The following CNTNAP2 variants were observed in gnomAD, a reference collection of about 807,000 sequenced individuals.
CNTNAP2 encodes the protein contactin-associated protein-like 2.
Under a neutral mutation model 155.2 loss-of-function variants are expected in CNTNAP2, and 98 were observed. The observed-to-expected ratio is 0.63, with a 90% CI of 0.54 to 0.75. The LOEUF (loss-of-function observed/expected upper bound fraction) is 0.75, where lower values mean the gene tolerates loss of function less well. Among genes scored for constraint, CNTNAP2 ranks in the 30% least tolerant of loss-of-function variants. The probability of loss-of-function intolerance (pLI) is 0.00; values close to 1 mark genes in which losing one functional copy is unlikely to be tolerated. For missense variants in CNTNAP2, 1,727 were observed against 1,688.1 expected (o/e 1.02, Z -0.40); for synonymous variants, 651 against 631.2 (o/e 1.03, Z -0.47).
intron 12 of CNTNAP2, among the ~76,000 whole-genome samples, chr7:147,625,359 T>G (rs2116899674): frequency 6.6e-6 from 1 of 152,296 alleles, no homozygotes; most frequent in African/African-American, 2.4e-5. Flanking sequence ...AAGTATCTCA[T>G]GTACCCCATA....
At chr7:146,250,376 T>G (rs188499591) in intron 1 of CNTNAP2, among the ~76,000 whole-genome samples, 1 of 152,324 alleles carries the variant, frequency 6.6e-6, no homozygotes, top group Admixed American at 6.5e-5. Context: ...AGTTTCCCAT[T>G]CACCACTGCA....
At position 146,843,449 on chromosome 7, in the gene CNTNAP2, A is replaced by G. The variant is rs563021952; in HGVS notation, c.402+3545A>G. Among the ~76,000 whole-genome samples, 31 of 152,278 alleles carry G rather than the reference A, an allele frequency of 2.0e-4. 1 individual carries two copies. The highest frequency in any genetic ancestry group is 3.8e-4 in the Non-Finnish European group (26 of 68,014). On this transcript the variant is annotated intron_variant, in intron 3 of 23. Transcript: ENST00000361727. Reference sequence around the variant, plus strand: ...CCAACACTGGGGATTACAATTTGACATGAGATTTTGGTGGGGACACAGACC... The same window carrying G: ...CCAACACTGGGGATTACAATTTGACGTGAGATTTTGGTGGGGACACAGACC...
intron 11 of CNTNAP2, among the ~76,000 whole-genome samples, chr7:147,555,149 G>A (rs1442629503): frequency 2.6e-5 from 4 of 152,100 alleles, no homozygotes; most frequent in African/African-American, 7.2e-5. Context: ...GGTTTCTAAT[G>A]AGAATTACCT....
At position 148,100,812 on chromosome 7, in the gene CNTNAP2, T is replaced by C. The variant is rs28657546; in HGVS notation, c.2384-17306T>C. On this transcript the variant is annotated intron_variant, in intron 15 of 23. Coordinates refer to ENST00000361727, the MANE Select transcript of CNTNAP2 (RefSeq NM_014141.6). ...CCCAAAGGATTATAAATCATGCTGCTATAAAGACACATGCACACGTATGTT... is the reference window on the plus strand; with the variant it reads ...CCCAAAGGATTATAAATCATGCTGCCATAAAGACACATGCACACGTATGTT... Among the ~76,000 whole-genome samples, 1,210 of 152,266 alleles carry C rather than the reference T, an allele frequency of 7.9e-3. 14 individuals carry two copies. Among genetic ancestry groups the C allele is most frequent in the African/African-American group, 0.027 (1,141 of 41,562 alleles).
chr7:146,288,600 A>G (rs978334780), intron 1 of CNTNAP2, among the ~76,000 whole-genome samples: 1 of 151,874 alleles, frequency 6.6e-6, no homozygotes, highest in African/African-American at 2.4e-5. Context: ...GACTTACTCT[A>G]TTTGAAAAAT....
intron 1 of CNTNAP2, among the ~76,000 whole-genome samples, chr7:146,665,696 G>A (rs546887435): frequency 1.5e-4 from 22 of 150,014 alleles, no homozygotes; most frequent in South Asian, 2.1e-4. Flanking sequence ...CAGGAGAATC[G>A]CTTAAACCCA....
At chr7:147,308,050 G>A (rs1310543485) in intron 9 of CNTNAP2, among the ~76,000 whole-genome samples, 1 of 152,168 alleles carries the variant, frequency 6.6e-6, no homozygotes. Context: ...CTTGGGAGGG[G>A]ATTGAGGATT....
intron 1 of CNTNAP2, among the ~76,000 whole-genome samples, chr7:146,657,228 C>T (rs1456444177): frequency 6.6e-6 from 1 of 152,174 alleles, no homozygotes; most frequent in East Asian, 1.9e-4. Context: ...GCATATTCTT[C>T]TCCTGAGCTT....
intron 3 of CNTNAP2, among the ~76,000 whole-genome samples, chr7:146,939,867 T>G (rs1232391697): frequency 6.6e-6 from 1 of 150,950 alleles, no homozygotes; most frequent in Non-Finnish European, 1.5e-5. Context: ...TTGTATTTCT[T>G]TCTTAACTTG....
At chr7:146,393,676 T>G (rs1316880881) in intron 1 of CNTNAP2, among the ~76,000 whole-genome samples, 2 of 152,178 alleles carry the variant, frequency 1.3e-5, no homozygotes, top group Non-Finnish European at 2.9e-5. Flanking sequence ...GTTTGTTATC[T>G]CTCGATACTT....
intron 2 of CNTNAP2, among the ~76,000 whole-genome samples, chr7:146,786,295 G>A (rs1427950016): frequency 6.6e-6 from 1 of 151,962 alleles, no homozygotes; most frequent in Non-Finnish European, 1.5e-5. Flanking sequence ...AGACAATTGG[G>A]AGGACTTAAT....
intron 3 of CNTNAP2, among the ~76,000 whole-genome samples, chr7:146,997,085 TC>T (rs1432376128): frequency 5.9e-5 from 9 of 152,110 alleles, no homozygotes. Flanking sequence ...TTATAAATTA[TC>T]CAGTCTCAGG....
chr7:148,228,768 C>T (rs1293911068), intron 19 of CNTNAP2, among the ~76,000 whole-genome samples: 1 of 145,298 alleles, frequency 6.9e-6, no homozygotes, highest in African/African-American at 2.5e-5. Flanking sequence ...GCGGAGCTTA[C>T]AGTGAGCCGA....
At chr7:148,206,559 A>G (rs916082837) in intron 18 of CNTNAP2, among the ~76,000 whole-genome samples, 4 of 152,152 alleles carry the variant, frequency 2.6e-5, no homozygotes, top group African/African-American at 9.7e-5. Flanking sequence ...CTGCAGCCGT[A>G]CATCACCCCA....
At chr7:146,798,278 CAAA>C (rs1172046655) in intron 2 of CNTNAP2, among the ~76,000 whole-genome samples, 2 of 124,420 alleles carry the variant, frequency 1.6e-5, no homozygotes, top group Admixed American at 8.2e-5. Context: ...ACCCTGTCTC[CAAA>C]AAAAAAAAAA....
chr7:147,863,467 A>C (rs1799170506), intron 13 of CNTNAP2, among the ~76,000 whole-genome samples: 1 of 152,166 alleles, frequency 6.6e-6, no homozygotes, highest in African/African-American at 2.4e-5. Context: ...ACTGGGTTAA[A>C]TGGTATTTCT....
chr7:146,214,887 C>A (rs761163988), intron 1 of CNTNAP2, among the ~76,000 whole-genome samples: 13 of 152,198 alleles, frequency 8.5e-5, no homozygotes, highest in Non-Finnish European at 1.5e-4. Flanking sequence ...TTGGACTAAC[C>A]CTATGTGACA....
chr7:146,318,293 G>T (rs1391728035), intron 1 of CNTNAP2, among the ~76,000 whole-genome samples: 1 of 152,006 alleles, frequency 6.6e-6, no homozygotes, highest in East Asian at 1.9e-4. Flanking sequence ...AAATAATAAA[G>T]TGTTGAGAAT....
chr7:148,082,890 G>T (rs767153869), intron 15 of CNTNAP2, among the ~76,000 whole-genome samples: 11 of 151,980 alleles, frequency 7.2e-5, no homozygotes, highest in South Asian at 2.1e-4. Context: ...TGTTGGCCAG[G>T]CTGGTGTCGA....
Sources: allele counts gnomAD v4.1 joint callset (sites outside exome capture counted in the v4.1 genomes callset), GRCh38; gene constraint gnomAD v4.1.1; transcripts MANE v1.5; gene names NCBI Gene and HGNC (gene_info 2026-07-23, HGNC 2026-07-21).